Variants in TSHR observed in about 807,000 individuals in gnomAD.
TSHR encodes the protein thyrotropin receptor.
In TSHR, 51 loss-of-function variants were observed where a neutral mutation model predicts 64.1. That is an observed-to-expected ratio of 0.80 (90% confidence interval 0.64 to 1.01). The LOEUF (loss-of-function observed/expected upper bound fraction) is 1.01. Ranked by LOEUF, TSHR falls within the 50% of genes least tolerant of loss-of-function variation. TSHR has a pLI of 0.00. For missense variants in TSHR, 877 were observed against 942.8 expected, an observed-to-expected ratio of 0.93 and a Z score of 0.91; for synonymous variants, 361 against 361.9, an observed-to-expected ratio of 1.00 and a Z score of 0.03.
At chr14:81,115,926 A>C (rs1322572890) in intron 8 of TSHR, among the ~76,000 whole-genome samples, 3 of 152,154 alleles carry the variant, frequency 2.0e-5, no homozygotes, top group African/African-American at 7.2e-5. Flanking sequence ...TATCCAGCCA[A>C]ACTAAGCTTC....
chr14:81,116,053 C>G lies in TSHR; in HGVS notation c.692+7601C>G, dbSNP rs531838172. ...AAGCGCTAAACATGGAAAGGAACAA[C>G]CGGTACCAGCCGCTGCAAAATCATG... On this transcript the variant is annotated intron_variant, in intron 8 of 9. Transcript: ENST00000298171. Among the ~76,000 whole-genome samples, 193 of 152,082 alleles carry G rather than the reference C, an allele frequency of 1.3e-3. 1 individual carries two copies. The highest frequency in any genetic ancestry group is 1.9e-3 in the East Asian group (10 of 5,164).
intron 2 of TSHR, among the ~76,000 whole-genome samples, chr14:81,067,726 A>G (rs1442503221): frequency 6.7e-6 from 1 of 149,000 alleles, no homozygotes; most frequent in African/African-American, 2.5e-5. Context: ...AGGAAATAGA[A>G]GAGTTCCTTT....
At chr14:80,972,623 A>T (rs1427863700) in intron 1 of TSHR, among the ~76,000 whole-genome samples, 1 of 152,188 alleles carries the variant, frequency 6.6e-6, no homozygotes, top group Non-Finnish European at 1.5e-5. Context: ...TTCACACAAT[A>T]TAAAATTAAC....
At chr14:81,010,391 C>T (rs1209954170) in intron 1 of TSHR, among the ~76,000 whole-genome samples, 1 of 151,764 alleles carries the variant, frequency 6.6e-6, no homozygotes, top group East Asian at 1.9e-4. Flanking sequence ...TGTCTAGTTT[C>T]TTTTCATTTT....
intron 1 of TSHR, among the ~76,000 whole-genome samples, chr14:81,016,341 G>A (rs11847606): frequency 0.1 from 15,844 of 152,078 alleles, 2,706 homozygotes; most frequent in African/African-American, 0.36. Flanking sequence ...CTCTCACTAC[G>A]GTTTTGATTT....
At chr14:81,076,612 G>A (rs1887522140) in intron 3 of TSHR, among the ~76,000 whole-genome samples, 1 of 152,080 alleles carries the variant, frequency 6.6e-6, no homozygotes, top group African/African-American at 2.4e-5. Flanking sequence ...TACCTGAGAT[G>A]TATCACTATA....
At chr14:81,125,320 A>T (rs578086437) in intron 8 of TSHR, among the ~76,000 whole-genome samples, 1 of 152,212 alleles carries the variant, frequency 6.6e-6, no homozygotes, top group Non-Finnish European at 1.5e-5. Context: ...AGGAAAAAAA[A>T]TTACATAATT....
At chr14:81,086,183 ACT>A (rs1041673958) in intron 3 of TSHR, among the ~76,000 whole-genome samples, 23 of 152,102 alleles carry the variant, frequency 1.5e-4, no homozygotes, top group African/African-American at 5.1e-4. Context: ...TGTTTCAAAA[ACT>A]CTCTGTAATG....
intron 8 of TSHR, among the ~76,000 whole-genome samples, chr14:81,109,851 CT>C (rs1312272872): frequency 6.6e-6 from 1 of 152,106 alleles, no homozygotes; most frequent in Non-Finnish European, 1.5e-5. Flanking sequence ...ATGCATTTTT[CT>C]TTTTACAAGA....
At chr14:81,054,263 T>C (rs1423616206) in intron 1 of TSHR, among the ~76,000 whole-genome samples, 1 of 152,222 alleles carries the variant, frequency 6.6e-6, no homozygotes, top group African/African-American at 2.4e-5. Context: ...TGCTCCTCCT[T>C]GCCTTCCGCC....
intron 3 of TSHR, among the ~76,000 whole-genome samples, chr14:81,086,237 G>A (rs552640081): frequency 6.6e-6 from 1 of 152,324 alleles, no homozygotes; most frequent in Non-Finnish European, 1.5e-5. Flanking sequence ...TCCTGGAATT[G>A]TAGTTATGTT....
At chr14:80,977,676 T>C (rs1277886940) in intron 1 of TSHR, among the ~76,000 whole-genome samples, 1 of 152,226 alleles carries the variant, frequency 6.6e-6, no homozygotes, top group Non-Finnish European at 1.5e-5. Context: ...TATGAGATCA[T>C]ATGGCCCAAG....
Position 81,068,273 on chromosome 14 carries a change from ACT to A in TSHR, c.265_266del (p.Leu89AlafsTer13). On this transcript the variant is annotated frameshift_variant, in exon 3 of 10. Transcript: ENST00000298171. LOFTEE classifies it high-confidence loss of function. Reference protein sequence around the residue: ...ISRIYVSIDVTLQQLESHSFY... With the variant: ...ISRIYVSIDVXLQQLESHSFY... ...ATTCAGCTACGTATCTATAGATGTG[ACT>A]CTGCAGCAGCTGGAATCACACTCCT... 1.2e-6 allele frequency: 2 copies of A among 1,613,044 alleles called. No individual in the cohort carries two copies. The highest frequency in any genetic ancestry group is 1.7e-6 in the Non-Finnish European group (2 of 1,179,392).
chr14:81,145,763 C>T lies in TSHR; in HGVS notation c.*1410C>T, dbSNP rs1891904316. On this transcript the variant is annotated 3_prime_UTR_variant, in exon 10 of 10. Transcript: ENST00000298171. ...AAGCTTCTTTTCCCCAATAATTCTT[C>T]TTTACTTAAAATAGTCAGGATCTTT... The T allele has an allele frequency of 4.3e-6, 1 of 232,944 alleles. No individual in the cohort carries two copies. The highest frequency in any genetic ancestry group is 2.2e-5 in the African/African-American group (1 of 45,324). 14.4% of individuals were successfully genotyped at this position (232,944 alleles called of 1,614,324 possible). A position where few individuals can be genotyped will look rare whatever the true frequency, so the allele number is the denominator to read the frequency against.
chr14:81,022,106 C>A (rs868675465), intron 1 of TSHR, among the ~76,000 whole-genome samples: 348 of 115,312 alleles, frequency 3.0e-3, no homozygotes, highest in South Asian at 4.9e-3. Context: ...ACTAAAAATA[C>A]AAAAAAAAAA....
In TSHR at chr14:81,104,045, A is replaced by G. The variant is rs544769028; in HGVS notation, c.615-4330A>G. On this transcript the variant is annotated intron_variant, in intron 7 of 9. Coordinates refer to ENST00000298171, the MANE Select transcript of TSHR (RefSeq NM_000369.5). ...GGAAAAGACAATGATAGAGAATATT[A>G]TAGGATTAAGAAGGCTATTATTTAT... The G allele has an allele frequency of 2.7e-5, 27 of 985,446 alleles. No homozygotes were observed. The African/African-American group carries it at 4.5e-4, about 17-fold the overall frequency. 61.0% of individuals were successfully genotyped at this position (985,446 alleles called of 1,614,324 possible). A position where few individuals can be genotyped will look rare whatever the true frequency, so the allele number is the denominator to read the frequency against.
intron 1 of TSHR, among the ~76,000 whole-genome samples, chr14:80,966,581 A>C (rs1887308932): frequency 6.9e-6 from 1 of 143,932 alleles, no homozygotes; most frequent in South Asian, 2.2e-4. Flanking sequence ...AGAAAATAGC[A>C]AAAAAAAAAA....
At chr14:80,977,907 T>C (rs1887960752) in intron 1 of TSHR, among the ~76,000 whole-genome samples, 1 of 152,004 alleles carries the variant, frequency 6.6e-6, no homozygotes, top group Non-Finnish European at 1.5e-5. Flanking sequence ...CTCTTTCTAA[T>C]ATCCCCTTGC....
In TSHR at chr14:80,983,911, C is replaced by T. The variant is rs547893522; in HGVS notation, c.170+28061C>T. ...TTTTATTTAAGAAAGCGAACGAGTT[C>T]GTTGTAAGTGAGCTAACTTGTTCAT... is the stretch of plus-strand genomic sequence containing the variant. On this transcript the variant is annotated intron_variant, in intron 1 of 9. Transcript: ENST00000298171. 4.6e-5 allele frequency among the ~76,000 whole-genome samples: 7 copies of T among 152,262 alleles called. 1 individual carries two copies. Among genetic ancestry groups the T allele is most frequent in the African/African-American group, 1.2e-4 (5 of 41,552 alleles).
Sources: allele counts gnomAD v4.1 joint callset (sites outside exome capture counted in the v4.1 genomes callset), GRCh38; gene constraint gnomAD v4.1.1; transcripts MANE v1.5; gene names NCBI Gene and HGNC (gene_info 2026-07-23, HGNC 2026-07-21).